The following CPNE2 variants were observed in gnomAD, a reference collection of about 807,000 sequenced individuals.
The protein encoded by CPNE2 is copine 2.
CPNE2 carries 42 observed loss-of-function variants against 69.7 expected under a neutral mutation model. That is an observed-to-expected ratio of 0.60 (90% confidence interval 0.47 to 0.78). CPNE2 has a LOEUF of 0.78. Among genes scored for constraint, CPNE2 ranks in the 30% least tolerant of loss-of-function variants. The pLI is 0.00. For synonymous variants in CPNE2, 294 were observed against 289.8 expected, an observed-to-expected ratio of 1.01 and a Z score of -0.15; for missense variants, 587 against 732.0, an observed-to-expected ratio of 0.80 and a Z score of 2.29.
chr16:57,143,974 G>C, intron 14 of CPNE2: 1 of 152,510 alleles, frequency 6.6e-6, no homozygotes, highest in Non-Finnish European at 1.5e-5. Context: ...TTCATTGCCC[G>C]GCCTCTTAGT....
rs754753766 is a variant in CPNE2, at chr16:57,121,771, G to A, written c.867+11G>A. 2.0e-5 allele frequency: 33 copies of A among 1,613,788 alleles called. No homozygotes were observed. Among genetic ancestry groups the A allele is most frequent in the East Asian group, 8.9e-5 (4 of 44,884 alleles). On this transcript the variant is annotated intron_variant, in intron 9 of 15. Transcript: ENST00000290776. The stretch of plus-strand genomic sequence containing the variant: ...CTGCGATCCTGCAAGGTGAACCAGC[G>A]TGGGCAAGCACGAGCCAGGGGCCAG...
At chr16:57,137,111 G>C (rs1272035505) in intron 13 of CPNE2, 38 bp from the exon 14 acceptor site, 5 of 1,608,446 alleles carry the variant, frequency 3.1e-6, no homozygotes, top group Non-Finnish European at 4.3e-6. Context: ...TATGGGGTCA[G>C]GGAGACCTGG....
chr16:57,105,974 C>T (rs1370490131), intron 1 of CPNE2: 1 of 152,684 alleles, frequency 6.5e-6, no homozygotes, highest in Non-Finnish European at 1.5e-5. Flanking sequence ...GCCTGCCTGC[C>T]CTCCTGCTGG....
intron 9 of CPNE2, among the ~76,000 whole-genome samples, chr16:57,122,290 G>A (rs1044248202): frequency 6.6e-6 from 1 of 152,222 alleles, no homozygotes. Context: ...AAGGCAGCCT[G>A]GGGCAGGAGA....
intron 1 of CPNE2, among the ~76,000 whole-genome samples, chr16:57,104,061 C>A (rs2145237959): frequency 6.6e-6 from 1 of 152,282 alleles, no homozygotes; most frequent in African/African-American, 2.4e-5. Context: ...GGATTAAGGG[C>A]ACACACCACC....
intron 1 of CPNE2, among the ~76,000 whole-genome samples, chr16:57,099,077 C>A (rs2069596609): frequency 6.6e-6 from 1 of 152,278 alleles, no homozygotes; most frequent in East Asian, 1.9e-4. Flanking sequence ...CAGACACGAC[C>A]AGCACCAAAG....
Position 57,124,087 on chromosome 16 carries a change from CTTTTTTT to C in CPNE2, c.927+620_927+626del, listed in dbSNP as rs1187084598. ...TCTTTCTTTTCTTTTCTTTTCTTTT[CTTTTTTT>C]TTTTTGAGACAGCGTCTCATTCTGT... On this transcript the variant is annotated intron_variant, in intron 10 of 15. Coordinates refer to ENST00000290776, the MANE Select transcript of CPNE2 (RefSeq NM_152727.6). 6 of 145,742 alleles carry C rather than the reference CTTTTTTT, an allele frequency of 4.1e-5. No individual in the cohort carries two copies. The East Asian group carries it at 7.4e-4, about 18-fold the overall frequency. The allele number at this position is 145,742 out of a possible 1,614,324, so 9.0% of individuals were successfully genotyped here. A position where few individuals can be genotyped will look rare whatever the true frequency, so the allele number is the denominator to read the frequency against.
At chr16:57,124,374 G>T (rs1470706218) in intron 10 of CPNE2, 2 of 456,098 alleles carry the variant, frequency 4.4e-6, no homozygotes, top group Non-Finnish European at 8.8e-6. Context: ...GAGTCACTGG[G>T]CCTGGCCCTC....
Position 57,137,254 on chromosome 16 carries a change from C to A in CPNE2, c.1274C>A (p.Ala425Asp), listed in dbSNP as rs145618187. The A allele has an allele frequency of 3.1e-6, 5 of 1,614,116 alleles. No homozygotes were observed. In the African/African-American group the frequency reaches 6.7e-5, roughly 22 times the overall value. Residue 425 changes from alanine (A) to aspartate (D), a missense_variant, in exon 14 of 16, where the codon GCC (alanine) becomes GAC (aspartate). Ala to Asp is a moderately radical substitution (Grantham distance 126). Transcript: ENST00000290776. ...GTCAACCACGTGGCCCGGTTTGCGG[C>A]CCAGGCCACACAACAGCGGACGGCC... ...PIVNHVARFA[A>D]QATQQRTATQ...
At chr16:57,127,582 C>T (rs1455110753) in intron 11 of CPNE2, among the ~76,000 whole-genome samples, 2 of 152,192 alleles carry the variant, frequency 1.3e-5, no homozygotes, top group African/African-American at 2.4e-5. Flanking sequence ...TGAGAAGGAT[C>T]TAGAAGCTGT....
rs1287731477 is a variant in CPNE2, at chr16:57,146,309, A to T, written c.1527A>T (p.Arg509=). 2 of 1,551,326 alleles carry T rather than the reference A, an allele frequency of 1.3e-6. No individual in the cohort carries two copies. Among genetic ancestry groups the T allele is most frequent in the Non-Finnish European group, 1.7e-6 (2 of 1,146,156 alleles). The change falls in exon 15 of 16, where the codon CGA becomes CGT. Residue 509 remains arginine (R), a synonymous_variant. Transcript: ENST00000290776. This position sits in a 1 kb window ranked among gnomAD's most constrained non-coding sequence, Gnocchi z 4.4. ...ARDIVQFVPF[R]EFRNAAKETL... ...ATATTGTGCAGTTCGTTCCCTTTCG[A>T]GAGTTCCGCAACGTGAGTGTGGGCC... is the stretch of plus-strand genomic sequence containing the variant.
chr16:57,106,968 G>A (rs549786138), intron 1 of CPNE2, among the ~76,000 whole-genome samples: 7 of 152,340 alleles, frequency 4.6e-5, no homozygotes, highest in African/African-American at 1.7e-4. Context: ...CCAAGCATTG[G>A]CCTGGGAGAC....
In CPNE2 at chr16:57,146,954, C is replaced by A. The variant is rs2069963267; in HGVS notation, c.1540-597C>A. On this transcript the variant is annotated intron_variant, in intron 15 of 15. Transcript: ENST00000290776. This position sits in a 1 kb window ranked among gnomAD's most constrained non-coding sequence, Gnocchi z 4.4. ...ACTGTACCGCTGTACTGTAATGCCACCCCCATACTGCTGGCTGGGGGCTTA... is the reference window on the plus strand; with the variant it reads ...ACTGTACCGCTGTACTGTAATGCCAACCCCATACTGCTGGCTGGGGGCTTA... 6.5e-6 allele frequency: 1 copy of A among 153,104 alleles called. No homozygotes were observed. Among genetic ancestry groups the A allele is most frequent in the Admixed American group, 6.5e-5 (1 of 15,394 alleles). 9.5% of individuals were successfully genotyped at this position (153,104 alleles called of 1,614,324 possible).
At chr16:57,095,513 C>T (rs1485264554) in intron 1 of CPNE2, among the ~76,000 whole-genome samples, 1 of 152,172 alleles carries the variant, frequency 6.6e-6, no homozygotes. Flanking sequence ...TGCTCTGTCA[C>T]ACAGGCCGGA....
chr16:57,110,970 G>T, intron 2 of CPNE2, 48 bp downstream of exon 2: 1 of 1,551,200 alleles, frequency 6.4e-7, no homozygotes. Context: ...TGGCTAGGCT[G>T]CTGGGGAGGG....
At chr16:57,123,785 G>A in intron 10 of CPNE2, 1 of 430,480 alleles carries the variant, frequency 2.3e-6, no homozygotes, top group Non-Finnish European at 4.2e-6. Flanking sequence ...AGCGATCCCT[G>A]CCTCCTTCAT....
At chr16:57,098,676 T>C (rs2069593919) in intron 1 of CPNE2, among the ~76,000 whole-genome samples, 2 of 152,334 alleles carry the variant, frequency 1.3e-5, no homozygotes, top group South Asian at 4.1e-4. Context: ...CCCGGGCCTC[T>C]ACAATTCCAA....
At chr16:57,095,250 T>A (rs1389806440) in intron 1 of CPNE2, among the ~76,000 whole-genome samples, 1 of 152,028 alleles carries the variant, frequency 6.6e-6, no homozygotes, top group South Asian at 2.1e-4. Flanking sequence ...TCTAGAAAAG[T>A]CCACAATCAC....
At chr16:57,117,210 C>T (rs2069725413) in intron 4 of CPNE2, among the ~76,000 whole-genome samples, 1 of 152,148 alleles carries the variant, frequency 6.6e-6, no homozygotes, top group African/African-American at 2.4e-5. Flanking sequence ...CAAGACCACC[C>T]CCGGTGTCTG....
Sources: gnomAD v4.1 joint callset for allele counts (sites outside exome capture counted in the v4.1 genomes callset) on GRCh38, gnomAD v4.1.1 for gene constraint, Gnocchi (gnomAD v3.1) non-coding constraint, MANE v1.5 for transcripts, NCBI Gene and HGNC (gene_info 2026-07-23, HGNC 2026-07-21) for gene names.